AUTS2: variants seen among roughly 807,000 people sequenced by gnomAD.
AUTS2 encodes autism susceptibility gene 2 protein.
A neutral mutation model predicts 112.4 loss-of-function variants in AUTS2; 17 were observed. The ratio of observed to expected loss-of-function variants is 0.15; its 90% CI spans 0.10 to 0.23. The LOEUF is 0.23. Ranked by LOEUF, AUTS2 falls within the 10% of genes least tolerant of loss-of-function variation. The pLI, the probability that AUTS2 is intolerant of heterozygous loss-of-function variation, is 1.00. For missense variants in AUTS2, 1,510 were observed against 1,701.6 expected (o/e 0.89, Z 1.98); for synonymous variants, 751 against 702.7 (o/e 1.07, Z -1.09).
At chr7:70,552,801 G>A (rs1187564274) in intron 5 of AUTS2, among the ~76,000 whole-genome samples, 4 of 152,186 alleles carry the variant, frequency 2.6e-5, no homozygotes, top group Admixed American at 1.3e-4. Flanking sequence ...GGAGTAACAG[G>A]AAGTGAATGA....
At chr7:70,731,565 T>G (rs985111694) in intron 6 of AUTS2, among the ~76,000 whole-genome samples, 18 of 151,050 alleles carry the variant, frequency 1.2e-4, no homozygotes, top group Admixed American at 4.6e-4. Context: ...GAGTAGCTGG[T>G]ACTACAGGTG....
In AUTS2 at chr7:70,136,769, T is replaced by G. The variant is rs2129575030; in HGVS notation, c.660+2198T>G. On this transcript the variant is annotated intron_variant, in intron 4 of 18. Coordinates refer to ENST00000342771, the MANE Select transcript of AUTS2 (RefSeq NM_015570.4). ...ATGAGCTATTAGCGCAATTGAACCA[T>G]AACATGAATTCTGGTGTAAGAAAGC... 2.6e-5 allele frequency among the ~76,000 whole-genome samples: 4 copies of G among 152,312 alleles called. No individual in the cohort carries two copies. In the Middle Eastern group the frequency reaches 0.014, roughly 518 times the overall value.
intron 5 of AUTS2, among the ~76,000 whole-genome samples, chr7:70,651,899 G>C (rs1371820518): frequency 2.6e-5 from 4 of 152,144 alleles, no homozygotes; most frequent in South Asian, 4.1e-4. Flanking sequence ...CACAGAAAAA[G>C]AATACCCCAA....
At chr7:69,852,643 G>A (rs879764671) in intron 1 of AUTS2, among the ~76,000 whole-genome samples, 1 of 152,046 alleles carries the variant, frequency 6.6e-6, no homozygotes, top group Non-Finnish European at 1.5e-5. Flanking sequence ...AGTAGAGACA[G>A]GGTTTCACCA....
chr7:70,354,149 G>A (rs1341418085), intron 4 of AUTS2, among the ~76,000 whole-genome samples: 2 of 152,208 alleles, frequency 1.3e-5, no homozygotes, highest in Non-Finnish European at 2.9e-5. Flanking sequence ...TCCTGTCCCT[G>A]TCTGGCTTTC....
chr7:70,528,546 A>C (rs1229053742), intron 5 of AUTS2, among the ~76,000 whole-genome samples: 1 of 152,204 alleles, frequency 6.6e-6, no homozygotes, highest in Admixed American at 6.5e-5. Flanking sequence ...CCTAAAGCTG[A>C]AGACATCTAT....
intron 4 of AUTS2, among the ~76,000 whole-genome samples, chr7:70,145,123 T>C (rs1807063443): frequency 6.6e-6 from 1 of 152,118 alleles, no homozygotes; most frequent in Non-Finnish European, 1.5e-5. Context: ...TGCCCCACGA[T>C]TTGATTTACG....
chr7:70,424,751 A>T (rs913555773), intron 4 of AUTS2, among the ~76,000 whole-genome samples: 1 of 151,894 alleles, frequency 6.6e-6, no homozygotes, highest in Non-Finnish European at 1.5e-5. Context: ...CATACCTGCT[A>T]ATTTTAAAAT....
At chr7:69,741,815 T>C (rs1187159974) in intron 1 of AUTS2, among the ~76,000 whole-genome samples, 9 of 152,160 alleles carry the variant, frequency 5.9e-5, no homozygotes, top group African/African-American at 2.2e-4. Flanking sequence ...TTGCCTTTTT[T>C]TTTTTTGAGA....
At chr7:69,931,112 T>TACACACAC (rs58190258) in intron 2 of AUTS2, among the ~76,000 whole-genome samples, 141 of 148,996 alleles carry the variant, frequency 9.5e-4, no homozygotes, top group African/African-American at 3.4e-3. Context: ...ATTTTGGATT[T>TACACACAC]ACACACACAC....
At chr7:69,832,127 C>T (rs149694604) in intron 1 of AUTS2, among the ~76,000 whole-genome samples, 373 of 152,252 alleles carry the variant, frequency 2.4e-3, no homozygotes, top group Non-Finnish European at 4.2e-3. Flanking sequence ...CTCCCCTCAC[C>T]GACAACCCCC....
At chr7:70,157,075 T>C (rs1295383306) in intron 4 of AUTS2, among the ~76,000 whole-genome samples, 1 of 151,590 alleles carries the variant, frequency 6.6e-6, no homozygotes, top group African/African-American at 2.4e-5. Context: ...CAAGACTCCG[T>C]CTTACCAAAA....
intron 1 of AUTS2, among the ~76,000 whole-genome samples, chr7:69,718,601 C>G (rs565829520): frequency 2.0e-5 from 3 of 152,144 alleles, no homozygotes; most frequent in Non-Finnish European, 4.4e-5. Context: ...TTGGGCCCAC[C>G]CTGACAATCC....
intron 5 of AUTS2, among the ~76,000 whole-genome samples, chr7:70,548,502 C>A (rs1017507005): frequency 1.3e-5 from 2 of 152,038 alleles, no homozygotes; most frequent in Non-Finnish European, 2.9e-5. Flanking sequence ...AACCTAAGGT[C>A]ACAGAGACTT....
In AUTS2 at chr7:70,018,911, G is replaced by A. The variant is rs186405427; in HGVS notation, c.523-99221G>A. ...GTCAACTCAGCAGTTCCATTACTGG[G>A]TATATACCCAAAGGAATATAAATTG... On this transcript the variant is annotated intron_variant, in intron 2 of 18. Transcript: ENST00000342771. 2.2e-4 allele frequency among the ~76,000 whole-genome samples: 33 copies of A among 152,254 alleles called. No individual in the cohort carries two copies. In the East Asian group the frequency reaches 6.0e-3, roughly 28 times the overall value.
chr7:69,860,918 C>T (rs1236789207), intron 1 of AUTS2, among the ~76,000 whole-genome samples: 5 of 152,040 alleles, frequency 3.3e-5, no homozygotes, highest in African/African-American at 4.8e-5. Flanking sequence ...TTCAGATGTC[C>T]GATGTCATGA....
At chr7:70,106,723 C>G (rs539911651) in intron 2 of AUTS2, among the ~76,000 whole-genome samples, 2 of 152,186 alleles carry the variant, frequency 1.3e-5, no homozygotes, top group South Asian at 4.1e-4. Flanking sequence ...CTGTCTTATA[C>G]CATCTCCATA....
intron 1 of AUTS2, among the ~76,000 whole-genome samples, chr7:69,742,896 ATTG>A (rs1261840604): frequency 6.6e-6 from 1 of 151,948 alleles, no homozygotes; most frequent in Non-Finnish European, 1.5e-5. Flanking sequence ...TGTCTTTTTT[ATTG>A]TTGTTGTTCT....
At chr7:70,067,615 G>A (rs1270489090) in intron 2 of AUTS2, among the ~76,000 whole-genome samples, 2 of 152,184 alleles carry the variant, frequency 1.3e-5, no homozygotes, top group Non-Finnish European at 2.9e-5. Context: ...GTAGTTCAAG[G>A]TGGGAGCATC....
Sources: allele counts gnomAD v4.1 joint callset (sites outside exome capture counted in the v4.1 genomes callset), GRCh38; gene constraint gnomAD v4.1.1; transcripts MANE v1.5; gene names NCBI Gene and HGNC (gene_info 2026-07-23, HGNC 2026-07-21).